CHSY3: variants seen among roughly 807,000 people sequenced by gnomAD.
CHSY3 encodes the protein N-acetylgalactosaminyl-proteoglycan 3-beta-glucuronosyltransferase 3.
A neutral mutation model predicts 67.2 loss-of-function variants in CHSY3; 35 were observed. The ratio of observed to expected loss-of-function variants is 0.52; its 90% confidence interval spans 0.40 to 0.69. The LOEUF is 0.69. Ranked by LOEUF, CHSY3 falls within the 30% of genes least tolerant of loss-of-function variation. CHSY3 has a pLI of 0.00. For missense variants in CHSY3, 1,069 were observed against 1,138.5 expected (o/e 0.94, Z 0.88); for synonymous variants, 474 against 434.7 (o/e 1.09, Z -1.12).
At chr5:130,020,459 A>AT (rs1764352576) in intron 2 of CHSY3, among the ~76,000 whole-genome samples, 6 of 49,748 alleles carry the variant, frequency 1.2e-4, no homozygotes, top group African/African-American at 4.1e-4. Flanking sequence ...ATATATATAT[A>AT]TATTTTTTTT....
intron 2 of CHSY3, chr5:130,141,800 A>G (rs1314871978): frequency 1.2e-5 from 5 of 403,334 alleles, no homozygotes. Context: ...GAATTTCAAC[A>G]TCAAAATCTG....
At chr5:130,098,445 A>G (rs535839415) in intron 2 of CHSY3, among the ~76,000 whole-genome samples, 4 of 152,264 alleles carry the variant, frequency 2.6e-5, no homozygotes, top group East Asian at 1.9e-4. Flanking sequence ...TGAATTTACT[A>G]CCAAATCACC....
At chr5:130,058,164 T>C (rs1765596845) in intron 2 of CHSY3, among the ~76,000 whole-genome samples, 2 of 152,216 alleles carry the variant, frequency 1.3e-5, no homozygotes, top group Admixed American at 1.3e-4. Context: ...ATTGTCACTA[T>C]ACTTAACAAC....
intron 2 of CHSY3, among the ~76,000 whole-genome samples, chr5:130,020,420 AAAATAT>A (rs1343970905): frequency 3.2e-4 from 19 of 59,206 alleles, no homozygotes; most frequent in Admixed American, 1.1e-3. Flanking sequence ...ACTTCATCTC[AAAATAT>A]ATATATATAT....
At chr5:129,975,943 G>T (rs1762793640) in intron 2 of CHSY3, among the ~76,000 whole-genome samples, 1 of 152,042 alleles carries the variant, frequency 6.6e-6, no homozygotes, top group Non-Finnish European at 1.5e-5. Flanking sequence ...ATGCAGAGTT[G>T]AAGTAACTTG....
chr5:129,986,556 G>A (rs1048861166), intron 2 of CHSY3, among the ~76,000 whole-genome samples: 2 of 151,962 alleles, frequency 1.3e-5, no homozygotes, highest in Non-Finnish European at 2.9e-5. Context: ...ATTTAGGGAG[G>A]AATCCCTAAA....
rs186513165 is a variant in CHSY3, at chr5:129,979,619, A to G, written c.1086+71259A>G. Among the ~76,000 whole-genome samples, 3 of 152,320 alleles carry G rather than the reference A, an allele frequency of 2.0e-5. No individual in the cohort carries two copies. In the East Asian group the frequency reaches 5.8e-4, roughly 29 times the overall value. On this transcript the variant is annotated intron_variant, in intron 2 of 2. Coordinates refer to ENST00000305031, the MANE Select transcript of CHSY3 (RefSeq NM_175856.5). ...CTGAATGGACACTTCATAATTACCT[A>G]AAGTCTATAATTTACCTTAGGGTTC...
chr5:130,114,674 A>G (rs964692538), intron 2 of CHSY3, among the ~76,000 whole-genome samples: 1 of 152,204 alleles, frequency 6.6e-6, no homozygotes, highest in Non-Finnish European at 1.5e-5. Context: ...AGAGTCACTT[A>G]AAGTTTCTTT....
chr5:130,045,507 T>C (rs771653045), intron 2 of CHSY3, among the ~76,000 whole-genome samples: 1 of 152,028 alleles, frequency 6.6e-6, no homozygotes, highest in Admixed American at 6.6e-5. Context: ...GTTATGATCC[T>C]GGAGGTCTGG....
Position 130,185,313 on chromosome 5 carries a change from GAGA to G in CHSY3, c.2175_2177del (p.Glu725del). 6.2e-7 allele frequency: 1 copy of G among 1,610,856 alleles called. No individual in the cohort carries two copies. Among genetic ancestry groups the G allele is most frequent in the Non-Finnish European group, 8.5e-7 (1 of 1,177,078 alleles). Reference sequence around the variant, plus strand: ...TTTTGTGATGTTGACTTGATCTTCAGAGAAGATTTTCTCCAACGATGTAGAGAC... The same window carrying G: ...TTTTGTGATGTTGACTTGATCTTCAGAGATTTTCTCCAACGATGTAGAGAC... On this transcript the variant is annotated inframe_deletion, in exon 3 of 3. Transcript: ENST00000305031.
intron 2 of CHSY3, among the ~76,000 whole-genome samples, chr5:130,043,857 A>C (rs1244509216): frequency 2.6e-5 from 4 of 152,112 alleles, no homozygotes; most frequent in African/African-American, 9.7e-5. Context: ...TTTAATTACA[A>C]TTTAGTTCTA....
At chr5:129,986,354 C>T (rs888515098) in intron 2 of CHSY3, among the ~76,000 whole-genome samples, 12 of 152,120 alleles carry the variant, frequency 7.9e-5, no homozygotes, top group African/African-American at 2.7e-4. Flanking sequence ...GTTGAACCAA[C>T]CTTGCATTCC....
intron 2 of CHSY3, among the ~76,000 whole-genome samples, chr5:130,171,703 A>C (rs1020799172): frequency 1.3e-5 from 2 of 152,224 alleles, no homozygotes; most frequent in African/African-American, 4.8e-5. Context: ...AAAAAAAATG[A>C]AACAGGAAAA....
Position 129,965,734 on chromosome 5 carries a change from A to G in CHSY3, c.1086+57374A>G, listed in dbSNP as rs189862573. 5.9e-5 allele frequency among the ~76,000 whole-genome samples: 9 copies of G among 152,026 alleles called. No homozygotes were observed. In the East Asian group the frequency reaches 1.7e-3, roughly 29 times the overall value. ...TTTCACATTTGTCAAACTTTTTTTC[A>G]GTAATTATTCTTTGCAGCAATAGGA... On this transcript the variant is annotated intron_variant, in intron 2 of 2. Transcript: ENST00000305031.
chr5:130,112,738 C>T (rs1174839491), intron 2 of CHSY3, among the ~76,000 whole-genome samples: 1 of 152,042 alleles, frequency 6.6e-6, no homozygotes, highest in East Asian at 1.9e-4. Flanking sequence ...GTACAAGCTG[C>T]TGCTGAGTTT....
chr5:129,965,997 G>C (rs539493654), intron 2 of CHSY3, among the ~76,000 whole-genome samples: 30 of 151,914 alleles, frequency 2.0e-4, no homozygotes, highest in African/African-American at 7.0e-4. Flanking sequence ...TTTGGTGAGG[G>C]GAGCTCTGTA....
At chr5:130,111,190 C>A (rs538954543) in intron 2 of CHSY3, among the ~76,000 whole-genome samples, 1 of 152,218 alleles carries the variant, frequency 6.6e-6, no homozygotes, top group South Asian at 2.1e-4. Flanking sequence ...AAGTACAAAT[C>A]CCCGTAGTCA....
chr5:130,185,719 C>T lies in CHSY3; in HGVS notation c.2577C>T (p.Ala859=), dbSNP rs142751963. ...MCLGSKASTF[A]STMQLAELWL... ...TAGGATCCAAGGCAAGTACTTTCGC[C>T]TCAACCATGCAACTGGCTGAACTCT... is the stretch of plus-strand genomic sequence containing the variant. Residue 859 remains alanine, a synonymous_variant, in exon 3 of 3, where the codon GCC becomes GCT. Coordinates refer to ENST00000305031, the MANE Select transcript of CHSY3 (RefSeq NM_175856.5). 2.5e-6 allele frequency: 4 copies of T among 1,613,410 alleles called. No individual in the cohort carries two copies. The highest frequency in any genetic ancestry group is 3.4e-6 in the Non-Finnish European group (4 of 1,179,584).
chr5:130,012,680 C>T (rs554631887), intron 2 of CHSY3, among the ~76,000 whole-genome samples: 7 of 152,214 alleles, frequency 4.6e-5, no homozygotes, highest in Admixed American at 4.6e-4. Flanking sequence ...GAACTGCCCC[C>T]ACAAACTAAT....
Sources: gnomAD v4.1 joint callset for allele counts (sites outside exome capture counted in the v4.1 genomes callset) on GRCh38, gnomAD v4.1.1 for gene constraint, MANE v1.5 for transcripts, NCBI Gene and HGNC (gene_info 2026-07-23, HGNC 2026-07-21) for gene names.